Variants in SEL1L3 observed in about 807,000 individuals in gnomAD.
SEL1L3 encodes protein sel-1 homolog 3.
A neutral mutation model predicts 142.8 loss-of-function variants in SEL1L3; 76 were observed. The ratio of observed to expected loss-of-function variants is 0.53; its 90% CI spans 0.44 to 0.64. The LOEUF is 0.64. SEL1L3 is among the 30% of genes least tolerant of loss of function. The probability of loss-of-function intolerance (pLI) is 0.00; values close to 1 mark genes in which losing one functional copy is unlikely to be tolerated. For synonymous variants in SEL1L3, 504 were observed against 519.6 expected, an observed-to-expected ratio of 0.97 and a Z score of 0.41; for missense variants, 1,262 against 1,381.7, an observed-to-expected ratio of 0.91 and a Z score of 1.37.
chr4:25,743,466 C>T (rs7684489), downstream of SEL1L3, among the ~76,000 whole-genome samples: 29,395 of 151,960 alleles, frequency 0.19, 3,496 homozygotes, highest in African/African-American at 0.33. Context: ...TGACACAGTC[C>T]CAGAAAGTCG....
chr4:25,725,276 C>G, the SEL1L3 span, among the ~76,000 whole-genome samples: 4 of 150,774 alleles, frequency 2.7e-5, no homozygotes, highest in African/African-American at 9.7e-5. Context: ...AATGGCTACT[C>G]CATAGGCAGA....
At chr4:25,835,460 T>C (rs13434986) in intron 2 of SEL1L3, 137 bp from the exon 3 acceptor site, 92 of 914,398 alleles carry the variant, frequency 1.0e-4, no homozygotes, top group Non-Finnish European at 7.5e-5. Flanking sequence ...AGCAAACATC[T>C]GTTGAATAAA....
At chr4:25,805,340 G>A (rs572875554) in intron 9 of SEL1L3, among the ~76,000 whole-genome samples, 1 of 152,226 alleles carries the variant, frequency 6.6e-6, no homozygotes, top group Admixed American at 6.5e-5. Flanking sequence ...TATAAGGTCG[G>A]TACTATTTTC....
chr4:25,743,093 TCTAA>T (rs1717166324), downstream of SEL1L3, among the ~76,000 whole-genome samples: 1 of 152,142 alleles, frequency 6.6e-6, no homozygotes, highest in Non-Finnish European at 1.5e-5. Flanking sequence ...AAGGACAGAC[TCTAA>T]CTAAAAAGGG....
At chr4:25,797,566 C>T (rs1263363322) in intron 11 of SEL1L3, among the ~76,000 whole-genome samples, 1 of 152,128 alleles carries the variant, frequency 6.6e-6, no homozygotes, top group East Asian at 1.9e-4. Context: ...GTGTCACATA[C>T]GATGGTGGTG....
the SEL1L3 span, among the ~76,000 whole-genome samples, chr4:25,738,193 A>T: frequency 1.4e-4 from 21 of 151,938 alleles, no homozygotes; most frequent in Admixed American, 1.2e-3. Flanking sequence ...CCAGCTTGCA[A>T]TTTTTTTTAA....
chr4:25,782,862 G>T (rs1027475902), intron 14 of SEL1L3, among the ~76,000 whole-genome samples: 1 of 152,200 alleles, frequency 6.6e-6, no homozygotes, highest in South Asian at 2.1e-4. Flanking sequence ...ACACCAACAC[G>T]CACTCTATGG....
chr4:25,818,822 C>A (rs992496229), intron 8 of SEL1L3, among the ~76,000 whole-genome samples: 1 of 152,186 alleles, frequency 6.6e-6, no homozygotes, highest in Non-Finnish European at 1.5e-5. Flanking sequence ...GTGAGAGCAG[C>A]AGCTGGGGAC....
intron 1 of SEL1L3, among the ~76,000 whole-genome samples, chr4:25,852,251 G>C (rs1413513791): frequency 1.3e-5 from 2 of 152,084 alleles, no homozygotes; most frequent in Non-Finnish European, 2.9e-5. Flanking sequence ...CCAGCTGGTG[G>C]GTGAGCAAAG....
In SEL1L3 at chr4:25,833,489, T is replaced by A. The variant is rs781642835; in HGVS notation, c.941A>T (p.Asn314Ile). The A allele has an allele frequency of 3.0e-5, 48 of 1,612,992 alleles. No homozygotes were observed. The Admixed American group carries it at 5.2e-4, about 17-fold the overall frequency. ...LCGILYFVDSNEMYGTPSVFL... is the reference protein window; with the variant it reads ...LCGILYFVDSIEMYGTPSVFL... ...TACAGAAGGTGTGCCGTACATCTCATTAGAGTCAACAAAGTACAGAATCCC... is the reference window on the plus strand; with the variant it reads ...TACAGAAGGTGTGCCGTACATCTCAATAGAGTCAACAAAGTACAGAATCCC... Residue 314 changes from asparagine (N) to isoleucine (I), a missense_variant, in exon 4 of 24, where the codon AAT becomes ATT. This residue lies in a region of SEL1L3 where 689 missense variants were observed against 692.8 expected (regional missense o/e 0.99). Transcript: ENST00000399878.
At chr4:25,722,055 A>G in the SEL1L3 span, among the ~76,000 whole-genome samples, 1 of 152,326 alleles carries the variant, frequency 6.6e-6, no homozygotes, top group Admixed American at 6.5e-5. Context: ...TTGTGTGCAC[A>G]CGAGTTTACA....
At chr4:25,774,077 T>C (rs1296771336) in intron 17 of SEL1L3, among the ~76,000 whole-genome samples, 1 of 152,124 alleles carries the variant, frequency 6.6e-6, no homozygotes, top group Non-Finnish European at 1.5e-5. Flanking sequence ...GGCACCCCAG[T>C]GTGTAAGGAA....
At chr4:25,728,860 CAAAAA>C in the SEL1L3 span, among the ~76,000 whole-genome samples, 6 of 95,112 alleles carry the variant, frequency 6.3e-5, no homozygotes, top group Non-Finnish European at 7.0e-5. Flanking sequence ...AGACTTGTGT[CAAAAA>C]AAAAAAAAAA....
chr4:25,759,129 C>G, intron 20 of SEL1L3, 61 bp from the exon 21 acceptor site: 2 of 1,554,344 alleles, frequency 1.3e-6, no homozygotes, highest in Non-Finnish European at 1.7e-6. Context: ...GACACACACT[C>G]TTCATCAGAA....
chr4:25,816,153 ATAT>A (rs1322468654), intron 9 of SEL1L3, among the ~76,000 whole-genome samples: 14 of 147,608 alleles, frequency 9.5e-5, no homozygotes, highest in African/African-American at 3.5e-4. Flanking sequence ...TACATATATT[ATAT>A]ATGTATATTA....
chr4:25,858,596 GTTTGTTTT>G (rs1422487601), intron 1 of SEL1L3, among the ~76,000 whole-genome samples: 1 of 151,682 alleles, frequency 6.6e-6, no homozygotes, highest in Non-Finnish European at 1.5e-5. Context: ...TTGTTTGTTT[GTTTGTTTT>G]GAGACAGAGT....
chr4:25,749,038 C>T (rs1349805016), intron 23 of SEL1L3, among the ~76,000 whole-genome samples: 3 of 151,980 alleles, frequency 2.0e-5, no homozygotes, highest in Non-Finnish European at 4.4e-5. Context: ...TGATTAGAGC[C>T]CCAGTGATGA....
At chr4:25,756,065 A>G (rs1717936426) in intron 23 of SEL1L3, 3 of 985,420 alleles carry the variant, frequency 3.0e-6, no homozygotes, top group Non-Finnish European at 3.6e-6. Context: ...TTCTTGCAAC[A>G]GTGACTTCCT....
Position 25,784,292 on chromosome 4 carries a change from T to G in SEL1L3, c.2218-2A>C. Reference sequence around the variant, plus strand: ...TCTGTTCTTTTTTACTCCTTGACCCTAAACATTGATAAACAGCGATGATTA... The same window carrying G: ...TCTGTTCTTTTTTACTCCTTGACCCGAAACATTGATAAACAGCGATGATTA... On this transcript the variant is annotated splice_acceptor_variant, in intron 13 of 23. Coordinates refer to ENST00000399878, the MANE Select transcript of SEL1L3 (RefSeq NM_015187.5). LOFTEE classifies it high-confidence loss of function. The G allele has an allele frequency of 1.2e-6, 2 of 1,611,514 alleles. No individual in the cohort carries two copies.
Sources: allele counts gnomAD v4.1 joint callset (sites outside exome capture counted in the v4.1 genomes callset), GRCh38; gene constraint gnomAD v4.1.1; regional missense constraint gnomAD v4.1.1; transcripts MANE v1.5; gene names NCBI Gene and HGNC (gene_info 2026-07-23, HGNC 2026-07-21).